Variants in SLC7A8 observed in about 807,000 individuals in gnomAD.
SLC7A8 encodes the protein solute carrier family 7 member 8.
In SLC7A8, 30 loss-of-function variants were observed where a neutral mutation model predicts 51.2. The ratio of observed to expected loss-of-function variants is 0.59; its 90% confidence interval spans 0.44 to 0.80. The LOEUF (loss-of-function observed/expected upper bound fraction) is 0.80, where lower values mean the gene tolerates loss of function less well. Among genes scored for constraint, SLC7A8 ranks in the 30% least tolerant of loss-of-function variants. The pLI, the probability that SLC7A8 is intolerant of heterozygous loss-of-function variation, is 0.00. For missense variants in SLC7A8, 612 were observed against 674.4 expected, an observed-to-expected ratio of 0.91 and a Z score of 1.03; for synonymous variants, 257 against 275.8, an observed-to-expected ratio of 0.93 and a Z score of 0.67.
At chr14:23,154,373 C>T in intron 3 of SLC7A8, 1 of 998,986 alleles carries the variant, frequency 1.0e-6, no homozygotes, top group Non-Finnish European at 1.2e-6. Flanking sequence ...CAGCAGCCCT[C>T]TGGGTCTGGG....
intron 8 of SLC7A8, chr14:23,130,054 T>C: frequency 2.2e-6 from 1 of 446,852 alleles, no homozygotes; most frequent in East Asian, 4.5e-5. Context: ...CCAATTAGAA[T>C]GGATACTGGA....
intron 3 of SLC7A8, among the ~76,000 whole-genome samples, chr14:23,162,277 G>A (rs1024174312): frequency 6.6e-6 from 1 of 152,170 alleles, no homozygotes; most frequent in African/African-American, 2.4e-5. Flanking sequence ...ACACTGCAGC[G>A]GGACAGGTGT....
In SLC7A8 at chr14:23,182,839, C is replaced by T. The variant is rs1404757097; in HGVS notation, c.76G>A (p.Glu26Lys). The change falls in exon 1 of 11, where the codon GAG becomes AAG. Residue 26 changes from glutamate (E) to lysine (K), a missense_variant. Coordinates refer to ENST00000316902, the MANE Select transcript of SLC7A8 (RefSeq NM_012244.4). The stretch of plus-strand genomic sequence containing the variant: ...ACTCCGCCCCCTCCGGAACCAGCCT[C>T]GGGGCTGGCGTCCGACTCGCCCCCA... ...PGGGESDASPEAGSGGGGVAL... is the reference protein window; with the variant it reads ...PGGGESDASPKAGSGGGGVAL... The T allele has an allele frequency of 3.1e-6, 5 of 1,613,918 alleles. No homozygotes were observed. Among genetic ancestry groups the T allele is most frequent in the Non-Finnish European group, 4.2e-6 (5 of 1,179,974 alleles).
chr14:23,136,952 G>A lies in SLC7A8; in HGVS notation c.1016+969C>T, dbSNP rs1009948628. 3.9e-5 allele frequency among the ~76,000 whole-genome samples: 6 copies of A among 152,270 alleles called. No individual in the cohort carries two copies. In the East Asian group the frequency reaches 1.2e-3, roughly 29 times the overall value. On this transcript the variant is annotated intron_variant, in intron 7 of 10. Coordinates refer to ENST00000316902, the MANE Select transcript of SLC7A8 (RefSeq NM_012244.4). ...CCCACACCACCTCTTTCCAGCCCTG[G>A]GTCCTAAAAACATTGCACTCCCTTG... is the stretch of plus-strand genomic sequence containing the variant.
chr14:23,146,176 G>A (rs1447614488), intron 3 of SLC7A8, among the ~76,000 whole-genome samples: 1 of 152,140 alleles, frequency 6.6e-6, no homozygotes, highest in Non-Finnish European at 1.5e-5. Context: ...CAAGGATAAA[G>A]GAGATTGATA....
At position 23,140,730 on chromosome 14, in the gene SLC7A8, C is replaced by T. The variant is rs1433167749; in HGVS notation, c.635-106G>A. The stretch of plus-strand genomic sequence containing the variant: ...TCACCCCTCCCTGTGGCAATGACAC[C>T]AACTCTGTCTTGTCTCCAGTGAACC... On this transcript the variant is annotated intron_variant, in intron 4 of 10. Coordinates refer to ENST00000316902, the MANE Select transcript of SLC7A8 (RefSeq NM_012244.4). The T allele has an allele frequency of 8.0e-6, 9 of 1,130,926 alleles. No individual in the cohort carries two copies. In the South Asian group the frequency reaches 1.4e-4, roughly 17 times the overall value. 70.1% of individuals were successfully genotyped at this position (1,130,926 alleles called of 1,614,324 possible).
chr14:23,161,518 C>G (rs909049077), intron 3 of SLC7A8, among the ~76,000 whole-genome samples: 3 of 139,312 alleles, frequency 2.2e-5, no homozygotes, highest in African/African-American at 7.9e-5. Flanking sequence ...AAAAGAGACA[C>G]AGGCTGGGCT....
At chr14:23,156,897 A>G (rs1055485905) in intron 3 of SLC7A8, among the ~76,000 whole-genome samples, 1 of 152,250 alleles carries the variant, frequency 6.6e-6, no homozygotes, top group Admixed American at 6.5e-5. Flanking sequence ...TGAAGAGCAG[A>G]AGAGACACTA....
Position 23,182,840 on chromosome 14 carries a change from G to C in SLC7A8, c.75C>G (p.Pro25=), listed in dbSNP as rs145219683. Residue 25 remains proline, a synonymous_variant, in exon 1 of 11, where the codon CCC becomes CCG. Coordinates refer to ENST00000316902, the MANE Select transcript of SLC7A8 (RefSeq NM_012244.4). ...HPGGGESDAS[P]EAGSGGGGVA... is the part of the protein sequence containing the mutation. ...CTCCGCCCCCTCCGGAACCAGCCTC[G>C]GGGCTGGCGTCCGACTCGCCCCCAC... The C allele has an allele frequency of 1.9e-5, 31 of 1,613,762 alleles. No individual in the cohort carries two copies. Among genetic ancestry groups the C allele is most frequent in the Non-Finnish European group, 2.6e-5 (31 of 1,179,928 alleles).
chr14:23,144,353 T>A (rs972036958), intron 3 of SLC7A8, among the ~76,000 whole-genome samples: 87 of 151,254 alleles, frequency 5.8e-4, no homozygotes, highest in African/African-American at 2.1e-3. Context: ...TTTTTTTTTT[T>A]TTTTTTTTTT....
chr14:23,129,527 G>T (rs1253113617), intron 9 of SLC7A8, 123 bp downstream of exon 9: 2 of 1,180,788 alleles, frequency 1.7e-6, no homozygotes, highest in Non-Finnish European at 2.4e-6. Context: ...TTTCCAAAGG[G>T]TCTGCTACCA....
At chr14:23,159,774 G>C (rs975648299) in intron 3 of SLC7A8, among the ~76,000 whole-genome samples, 1 of 152,238 alleles carries the variant, frequency 6.6e-6, no homozygotes, top group South Asian at 2.1e-4. Context: ...TCAGGAGTTT[G>C]AAGCAACACA....
chr14:23,131,655 C>A, intron 7 of SLC7A8, 98 bp from the exon 8 acceptor site: 1 of 837,036 alleles, frequency 1.2e-6, no homozygotes, highest in Non-Finnish European at 1.8e-6. Context: ...CAGGGGCATC[C>A]CCACTCCAAC....
In SLC7A8 at chr14:23,127,287, G is replaced by A. The variant is rs752008062; in HGVS notation, c.1498C>T (p.Arg500Trp). The A allele has an allele frequency of 3.7e-6, 6 of 1,614,032 alleles. No homozygotes were observed. Among genetic ancestry groups the A allele is most frequent in the East Asian group, 2.2e-5 (1 of 44,872 alleles). ...MCVVVYPEVERGSGTEEANED... is the reference protein window; with the variant it reads ...MCVVVYPEVEWGSGTEEANED... ...TTAGCCTCCTCTGTCCCTGAGCCCC[G>A]CTCCACCTCGGGGTACACGACCACA... Residue 500 changes from arginine (R) to tryptophan (W), a missense_variant, in exon 11 of 11, where the codon CGG becomes TGG. By Grantham distance (101) the Arg-to-Trp change is moderately radical (BLOSUM62 -3). Coordinates refer to ENST00000316902, the MANE Select transcript of SLC7A8 (RefSeq NM_012244.4).
intron 7 of SLC7A8, among the ~76,000 whole-genome samples, chr14:23,136,652 G>A (rs1228278060): frequency 1.3e-5 from 2 of 152,178 alleles, no homozygotes; most frequent in Admixed American, 6.5e-5. Flanking sequence ...CCTCTGAATC[G>A]GAGGTGGAGC....
intron 3 of SLC7A8, chr14:23,155,161 C>CT (rs754975954): frequency 6.5e-6 from 10 of 1,535,978 alleles, no homozygotes; most frequent in Non-Finnish European, 8.7e-6. Context: ...TCTCGAAGCA[C>CT]TTACAACGTT....
At chr14:23,163,658 A>G (rs1207745051) in intron 3 of SLC7A8, among the ~76,000 whole-genome samples, 2 of 152,182 alleles carry the variant, frequency 1.3e-5, no homozygotes, top group African/African-American at 4.8e-5. Flanking sequence ...GGGAAAGCAT[A>G]TGGCCAGGAT....
chr14:23,167,285 T>C (rs2048954901), intron 1 of SLC7A8, among the ~76,000 whole-genome samples: 1 of 152,202 alleles, frequency 6.6e-6, no homozygotes, highest in Non-Finnish European at 1.5e-5. Context: ...CAATGTTTCA[T>C]GTGACCCTCA....
intron 7 of SLC7A8, among the ~76,000 whole-genome samples, chr14:23,137,379 C>G (rs914175012): frequency 6.6e-6 from 1 of 152,204 alleles, no homozygotes; most frequent in Non-Finnish European, 1.5e-5. Flanking sequence ...CCTCTACAGC[C>G]ACCTCTCTGT....
Sources: allele counts gnomAD v4.1 joint callset (sites outside exome capture counted in the v4.1 genomes callset), GRCh38; gene constraint gnomAD v4.1.1; transcripts MANE v1.5; gene names NCBI Gene and HGNC (gene_info 2026-07-23, HGNC 2026-07-21).